LRRC4C: variants seen among roughly 807,000 people sequenced by gnomAD.
LRRC4C encodes the protein leucine rich repeat containing 4C.
In LRRC4C, 5 loss-of-function variants were observed where a neutral mutation model predicts 33.6. That is an observed-to-expected ratio of 0.15 (90% confidence interval 0.08 to 0.31). LRRC4C has a LOEUF of 0.31. LRRC4C is among the 10% of genes least tolerant of loss of function. The pLI, the probability that LRRC4C is intolerant of heterozygous loss-of-function variation, is 1.00. For missense variants in LRRC4C, 560 were observed against 796.7 expected (o/e 0.70, Z 3.58); for synonymous variants, 329 against 302.0 (o/e 1.09, Z -0.93).
rs556882832 is a variant in LRRC4C, at chr11:40,402,810, CA to C, written c.-269-83090del. 1.5e-4 allele frequency among the ~76,000 whole-genome samples: 23 copies of C among 152,056 alleles called. No individual in the cohort carries two copies. In the East Asian group the frequency reaches 4.4e-3, roughly 29 times the overall value. The stretch of plus-strand genomic sequence containing the variant: ...TTCATCCTCATGAAATCCTTAGAAG[CA>C]AAAAATATGTCCTTTTACCTATAAA... On this transcript the variant is annotated intron_variant, in intron 3 of 6. Transcript: ENST00000528697.
At chr11:40,425,965 C>T (rs969671253) in intron 3 of LRRC4C, among the ~76,000 whole-genome samples, 36 of 151,392 alleles carry the variant, frequency 2.4e-4, no homozygotes, top group African/African-American at 8.0e-4. Context: ...ATGCTAAGTA[C>T]TGTATACTGT....
chr11:41,229,939 A>G (rs1175751023), intron 1 of LRRC4C, among the ~76,000 whole-genome samples: 1 of 152,052 alleles, frequency 6.6e-6, no homozygotes, highest in African/African-American at 2.4e-5. Context: ...TATTTCTTTC[A>G]TAATTTAATT....
At chr11:40,288,088 G>C (rs1943963403) in intron 4 of LRRC4C, among the ~76,000 whole-genome samples, 1 of 152,136 alleles carries the variant, frequency 6.6e-6, no homozygotes, top group African/African-American at 2.4e-5. Flanking sequence ...CCTCACGGCA[G>C]ACAGTTCCAT....
chr11:40,135,189 T>C (rs550263988), intron 6 of LRRC4C, among the ~76,000 whole-genome samples: 12 of 152,342 alleles, frequency 7.9e-5, no homozygotes, highest in African/African-American at 2.4e-4. Context: ...TTTTTGTTTC[T>C]TCCTAATGAC....
At chr11:41,072,167 C>T (rs1283913821) in intron 1 of LRRC4C, among the ~76,000 whole-genome samples, 1 of 151,952 alleles carries the variant, frequency 6.6e-6, no homozygotes, top group African/African-American at 2.4e-5. Flanking sequence ...AGCAGCAGCA[C>T]AGTTGGGAGG....
chr11:41,306,735 C>A (rs939435896), intron 1 of LRRC4C, among the ~76,000 whole-genome samples: 1 of 152,184 alleles, frequency 6.6e-6, no homozygotes, highest in Admixed American at 6.5e-5. Context: ...CGGATTTGAA[C>A]AAAGTTACTT....
intron 2 of LRRC4C, among the ~76,000 whole-genome samples, chr11:40,716,443 A>G (rs535281746): frequency 6.6e-6 from 1 of 152,276 alleles, no homozygotes; most frequent in South Asian, 2.1e-4. Context: ...AGCTTCCATA[A>G]AAACAACAAC....
At position 40,309,467 on chromosome 11, in the gene LRRC4C, T is replaced by C. The variant is rs551603703; in HGVS notation, c.-176+10161A>G. On this transcript the variant is annotated intron_variant, in intron 4 of 6. Coordinates refer to ENST00000528697, the MANE Select transcript of LRRC4C (RefSeq NM_001258419.2). Reference sequence around the variant, plus strand: ...TATTTCAGTTATTATTATTACAGGGTAGAATATTTTTGAGTGAACACGACA... The same window carrying C: ...TATTTCAGTTATTATTATTACAGGGCAGAATATTTTTGAGTGAACACGACA... 1.5e-3 allele frequency among the ~76,000 whole-genome samples: 231 copies of C among 151,950 alleles called. 1 individual carries two copies. The highest frequency in any genetic ancestry group is 2.8e-3 in the Non-Finnish European group (191 of 67,968).
rs1037471781 is a variant in LRRC4C, at chr11:40,433,257, A to G, written c.-269-113536T>C. On this transcript the variant is annotated intron_variant, in intron 3 of 6. Coordinates refer to ENST00000528697, the MANE Select transcript of LRRC4C (RefSeq NM_001258419.2). ...CTCTCTTGACATTACATTATTTTCA[A>G]CTGTTCTATATTATGTTTTGTATAT... 1.2e-4 allele frequency among the ~76,000 whole-genome samples: 18 copies of G among 151,282 alleles called. 3 individuals are homozygous for G. The highest frequency in any genetic ancestry group is 1.1e-3 in the Admixed American group (17 of 15,254).
chr11:40,523,370 A>G (rs973421408), intron 3 of LRRC4C, among the ~76,000 whole-genome samples: 1 of 151,678 alleles, frequency 6.6e-6, no homozygotes, highest in Admixed American at 6.6e-5. Context: ...CATTTTTAAA[A>G]TCAGGTTTTT....
intron 3 of LRRC4C, among the ~76,000 whole-genome samples, chr11:40,545,658 T>C (rs1280921902): frequency 1.3e-5 from 2 of 151,888 alleles, no homozygotes; most frequent in Admixed American, 1.3e-4. Context: ...AACAAGGATA[T>C]ACAGAAAAAA....
intron 1 of LRRC4C, among the ~76,000 whole-genome samples, chr11:41,310,954 T>TA (rs1304690207): frequency 6.6e-6 from 1 of 152,248 alleles, no homozygotes; most frequent in Non-Finnish European, 1.5e-5. Flanking sequence ...AAAGACAATA[T>TA]AGCAATTTAA....
At chr11:41,267,951 T>G (rs1339010289) in intron 1 of LRRC4C, among the ~76,000 whole-genome samples, 4 of 152,134 alleles carry the variant, frequency 2.6e-5, no homozygotes, top group Non-Finnish European at 4.4e-5. Context: ...CTTAAAACAC[T>G]TTGAGTACCC....
chr11:40,215,858 G>GGA (rs1433114110), intron 5 of LRRC4C, among the ~76,000 whole-genome samples: 1 of 152,128 alleles, frequency 6.6e-6, no homozygotes, highest in Non-Finnish European at 1.5e-5. Context: ...AAAAGCCTAA[G>GGA]GAGAGAGAGC....
chr11:40,712,895 T>C (rs1946535757), intron 2 of LRRC4C, among the ~76,000 whole-genome samples: 1 of 151,888 alleles, frequency 6.6e-6, no homozygotes, highest in Admixed American at 6.6e-5. Context: ...TTTCTTTCTT[T>C]TTTTTTTAAT....
chr11:41,100,544 G>A (rs1941108598), intron 1 of LRRC4C, among the ~76,000 whole-genome samples: 2 of 151,488 alleles, frequency 1.3e-5, no homozygotes, highest in African/African-American at 4.9e-5. Context: ...TTCCAGCCTG[G>A]GCAACAAGAA....
chr11:41,345,965 T>C (rs1262263556), intron 1 of LRRC4C, among the ~76,000 whole-genome samples: 2 of 95,668 alleles, frequency 2.1e-5, no homozygotes, highest in African/African-American at 3.1e-5. Flanking sequence ...CCATAGCCTA[T>C]ACATATGTTT....
intron 1 of LRRC4C, among the ~76,000 whole-genome samples, chr11:41,162,486 G>A (rs1038243539): frequency 1.3e-5 from 2 of 151,988 alleles, no homozygotes; most frequent in Admixed American, 1.3e-4. Context: ...TTTCTTCACT[G>A]TGCAAAAATC....
intron 3 of LRRC4C, among the ~76,000 whole-genome samples, chr11:40,600,564 C>G (rs990451230): frequency 2.0e-5 from 3 of 152,136 alleles, no homozygotes; most frequent in Admixed American, 2.0e-4. Context: ...TGACACCCCC[C>G]AGTACTGCTG....
Sources: allele counts gnomAD v4.1 joint callset (sites outside exome capture counted in the v4.1 genomes callset), GRCh38; gene constraint gnomAD v4.1.1; transcripts MANE v1.5; gene names NCBI Gene and HGNC (gene_info 2026-07-23, HGNC 2026-07-21).